STK32B: variants seen among roughly 807,000 people sequenced by gnomAD.
The protein encoded by STK32B is serine/threonine kinase 32B, also known as serine/threonine-protein kinase 32B.
In STK32B, 43 loss-of-function variants were observed where a neutral mutation model predicts 52.6. The observed-to-expected ratio is 0.82, with a 90% CI of 0.64 to 1.05. The LOEUF is 1.05. Ranked by LOEUF, STK32B falls within the 50% of genes least tolerant of loss-of-function variation. The probability of loss-of-function intolerance (pLI) is 0.00; values close to 1 mark genes in which losing one functional copy is unlikely to be tolerated. For synonymous variants in STK32B, 238 were observed against 204.3 expected (o/e 1.17, Z -1.41); for missense variants, 621 against 534.6 (o/e 1.16, Z -1.59).
At chr4:5,383,372 C>T (rs951307939) in intron 4 of STK32B, among the ~76,000 whole-genome samples, 13 of 152,310 alleles carry the variant, frequency 8.5e-5, no homozygotes, top group African/African-American at 3.1e-4. Context: ...CCAACCGGCT[C>T]CCAGAGGAAT....
chr4:5,393,312 A>G (rs1042724285), intron 4 of STK32B, among the ~76,000 whole-genome samples: 1 of 152,320 alleles, frequency 6.6e-6, no homozygotes, highest in Middle Eastern at 3.4e-3. Context: ...TTGCTGTCAT[A>G]AGAACCATCT....
chr4:5,265,369 A>C lies in STK32B; in HGVS notation c.261-65851A>C, dbSNP rs138489786. On this transcript the variant is annotated intron_variant, in intron 3 of 11. Coordinates refer to ENST00000282908, the MANE Select transcript of STK32B (RefSeq NM_018401.3). Reference sequence around the variant, plus strand: ...TGCATACATGGGCTTCTGCAGGTCCAGATAAATGTTCTCAGACACAGAAAT... The same window carrying C: ...TGCATACATGGGCTTCTGCAGGTCCCGATAAATGTTCTCAGACACAGAAAT... 3.3e-3 allele frequency among the ~76,000 whole-genome samples: 500 copies of C among 152,366 alleles called. 2 individuals are homozygous for C. Among genetic ancestry groups the C allele is most frequent in the African/African-American group, 0.011 (478 of 41,588 alleles).
At chr4:5,099,090 T>C (rs1325947754) in intron 1 of STK32B, among the ~76,000 whole-genome samples, 1 of 152,166 alleles carries the variant, frequency 6.6e-6, no homozygotes, top group African/African-American at 2.4e-5. Context: ...AACCTATTCA[T>C]TGGTTTTTCC....
chr4:5,052,968 G>A (rs527273265), intron 1 of STK32B, among the ~76,000 whole-genome samples: 2 of 152,296 alleles, frequency 1.3e-5, no homozygotes, highest in South Asian at 4.1e-4. Flanking sequence ...CTGGTAAGAA[G>A]TAGAGCTGGG....
intron 6 of STK32B, among the ~76,000 whole-genome samples, chr4:5,434,218 G>C (rs1297303179): frequency 6.6e-6 from 1 of 152,124 alleles, no homozygotes; most frequent in Non-Finnish European, 1.5e-5. Context: ...GGCACTGTCA[G>C]GGAATGTGAA....
At position 5,181,329 on chromosome 4, in the gene STK32B, G is replaced by GACACACATACACACAC. The variant is rs777338742; in HGVS notation, c.260+12886_260+12887insTACACACACACACACA. ...AAAAGAAGAGAAAGATGGAGAGTGA[G>GACACACATACACACAC]ACACACACACACACACACACACACA... On this transcript the variant is annotated intron_variant, in intron 3 of 11. Coordinates refer to ENST00000282908, the MANE Select transcript of STK32B (RefSeq NM_018401.3). 9.5e-3 allele frequency among the ~76,000 whole-genome samples: 1,316 copies of GACACACATACACACAC among 138,072 alleles called. 22 individuals are homozygous for GACACACATACACACAC. The highest frequency in any genetic ancestry group is 0.019 in the South Asian group (79 of 4,130). 90.6% of individuals were successfully genotyped at this position (138,072 alleles called of 152,430 possible). A position where few individuals can be genotyped will look rare whatever the true frequency, so the allele number is the denominator to read the frequency against.
chr4:5,165,841 GA>G (rs1426559880), intron 2 of STK32B, among the ~76,000 whole-genome samples: 1 of 152,158 alleles, frequency 6.6e-6, no homozygotes, highest in African/African-American at 2.4e-5. Context: ...TTACTCTGTG[GA>G]AAAAACATCT....
At position 5,368,089 on chromosome 4, in the gene STK32B, G is replaced by A. The variant is rs141275248; in HGVS notation, c.435-30118G>A. ...TTGCATCTCTAATGTGTAAGTCAAA[G>A]AGGGGAGAGATGGAAAGGAAATGGA... On this transcript the variant is annotated intron_variant, in intron 4 of 11. Transcript: ENST00000282908. Among the ~76,000 whole-genome samples, 142 of 152,230 alleles carry A rather than the reference G, an allele frequency of 9.3e-4. 1 individual carries two copies. The highest frequency in any genetic ancestry group is 3.3e-3 in the African/African-American group (136 of 41,566).
At chr4:5,489,621 A>ATTTATTTTTTTTTTTTTTTTTTTTTTTT in intron 11 of STK32B, among the ~76,000 whole-genome samples, 1 of 151,708 alleles carries the variant, frequency 6.6e-6, no homozygotes, top group East Asian at 2.0e-4. Context: ...TATTTTATTT[A>ATTTATTTTTTTTTTTTTTTTTTTTTTTT]TTTTTTATTA....
At chr4:5,061,088 T>A (rs1742199644) in intron 1 of STK32B, among the ~76,000 whole-genome samples, 1 of 152,200 alleles carries the variant, frequency 6.6e-6, no homozygotes, top group Non-Finnish European at 1.5e-5. Context: ...TTTCTGACAT[T>A]TTCCCCTTCT....
At position 5,460,238 on chromosome 4, in the gene STK32B, A is replaced by G. The variant is rs779468234; in HGVS notation, c.909+10A>G. On this transcript the variant is annotated intron_variant, in intron 9 of 11. Coordinates refer to ENST00000282908, the MANE Select transcript of STK32B (RefSeq NM_018401.3). The surrounding 1 kb of genome is among the most constrained non-coding windows in gnomAD (Gnocchi z 4.8). ...CGGCTTTGTGCCCAATGTGAGTGGA[A>G]GTCCCACCTGATGTCATGCCACCCC... The G allele has an allele frequency of 1.2e-5, 19 of 1,606,870 alleles. No homozygotes were observed. In the African/African-American group the frequency reaches 2.3e-4, roughly 19 times the overall value.
intron 6 of STK32B, among the ~76,000 whole-genome samples, chr4:5,431,400 C>T (rs3846229): frequency 0.062 from 9,496 of 152,186 alleles, 988 homozygotes; most frequent in African/African-American, 0.21. Context: ...TCATCCCATA[C>T]GCTATTTAGA....
At chr4:5,245,716 G>A (rs1348667493) in intron 3 of STK32B, among the ~76,000 whole-genome samples, 1 of 152,184 alleles carries the variant, frequency 6.6e-6, no homozygotes, top group Admixed American at 6.5e-5. Flanking sequence ...GGTACCAGTT[G>A]TTCCTTTCCA....
chr4:5,262,459 A>C (rs970075940), intron 3 of STK32B, among the ~76,000 whole-genome samples: 2 of 142,308 alleles, frequency 1.4e-5, no homozygotes, highest in Admixed American at 6.7e-5. Flanking sequence ...CCCCGTCTCT[A>C]CTAAAAAAAA....
At chr4:5,251,072 A>G (rs1725894663) in intron 3 of STK32B, among the ~76,000 whole-genome samples, 1 of 152,144 alleles carries the variant, frequency 6.6e-6, no homozygotes, top group Non-Finnish European at 1.5e-5. Flanking sequence ...ATTAGGTTCC[A>G]TTTGTCAATT....
chr4:5,188,675 A>G (rs948315301), intron 3 of STK32B, among the ~76,000 whole-genome samples: 5 of 152,090 alleles, frequency 3.3e-5, no homozygotes, highest in African/African-American at 9.7e-5. Flanking sequence ...ACCTGGGAAC[A>G]CAATATACAT....
At chr4:5,496,010 C>T (rs560249241) in intron 11 of STK32B, among the ~76,000 whole-genome samples, 1 of 152,346 alleles carries the variant, frequency 6.6e-6, no homozygotes, top group African/African-American at 2.4e-5. Context: ...CCCGGTTAGG[C>T]TGCTCGGGGG....
At chr4:5,211,766 T>G (rs1312966898) in intron 3 of STK32B, among the ~76,000 whole-genome samples, 1 of 152,120 alleles carries the variant, frequency 6.6e-6, no homozygotes, top group African/African-American at 2.4e-5. Context: ...CTTCACAGAG[T>G]AAAATGCACA....
chr4:5,115,850 C>T (rs1413067440), intron 1 of STK32B, among the ~76,000 whole-genome samples: 1 of 152,156 alleles, frequency 6.6e-6, no homozygotes, highest in Admixed American at 6.5e-5. Context: ...GAGAACGACA[C>T]CAGCATGAAA....
Sources: gnomAD v4.1 joint callset for allele counts (sites outside exome capture counted in the v4.1 genomes callset) on GRCh38, gnomAD v4.1.1 for gene constraint, Gnocchi (gnomAD v3.1) non-coding constraint, MANE v1.5 for transcripts, NCBI Gene and HGNC (gene_info 2026-07-23, HGNC 2026-07-21) for gene names.